GLIS2: variants seen among roughly 807,000 people sequenced by gnomAD.
The protein encoded by GLIS2 is GLIS family zinc finger 2.
Under a neutral mutation model 35.6 loss-of-function variants are expected in GLIS2, and 14 were observed. The observed-to-expected ratio is 0.39, with a 90% CI of 0.26 to 0.61. GLIS2 has a LOEUF of 0.61. GLIS2 is among the 20% of genes least tolerant of loss of function. The pLI is 0.48. For synonymous variants in GLIS2, 368 were observed against 325.1 expected (o/e 1.13, Z -1.42); for missense variants, 675 against 713.4 (o/e 0.95, Z 0.61).
Position 4,328,495 on chromosome 16 carries a change from C to A in GLIS2, c.-66-3720C>A, listed in dbSNP as rs112254924. Among the ~76,000 whole-genome samples, 1,108 of 152,320 alleles carry A rather than the reference C, an allele frequency of 7.3e-3. 21 individuals are homozygous for A. Among genetic ancestry groups the A allele is most frequent in the African/African-American group, 0.025 (1,047 of 41,560 alleles). ...CCGTCTCCCCTCTGGGGTGGGGCCT[C>A]CATTGGAGGAAAAACTCTGGGTGGG... On this transcript the variant is annotated intron_variant, in intron 1 of 6. Coordinates refer to ENST00000433375, the MANE Select transcript of GLIS2 (RefSeq NM_032575.3).
chr16:4,316,308 G>C (rs867605511), intron 1 of GLIS2, among the ~76,000 whole-genome samples, 54 bp downstream of exon 1: 2 of 144,416 alleles, frequency 1.4e-5, no homozygotes, highest in South Asian at 2.2e-4. Context: ...GCGGGGGGGG[G>C]GGGGCCCGCC....
rs994484021 is a variant in GLIS2, at chr16:4,327,054, G to A, written c.-66-5161G>A. On this transcript the variant is annotated intron_variant, in intron 1 of 6. Coordinates refer to ENST00000433375, the MANE Select transcript of GLIS2 (RefSeq NM_032575.3). ...ATTACAGGCATGAGCCACCGTGCCC[G>A]GCCACCGGCTGATTTTTTTACTTCA... Among the ~76,000 whole-genome samples the A allele has an allele frequency of 4.6e-5, 7 of 152,080 alleles. No homozygotes were observed. In the South Asian group the frequency reaches 6.2e-4, roughly 13 times the overall value.
At chr16:4,315,390 G>A (rs910597713), upstream of GLIS2, 6 of 152,296 alleles carry the variant, frequency 3.9e-5, no homozygotes, top group Admixed American at 1.3e-4. Flanking sequence ...GGAGAAATCA[G>A]GGCCCGCAGA....
chr16:4,332,551 T>C lies in GLIS2; in HGVS notation c.172+99T>C. ...TCCACCAGCATGTAGCTGCAGCCCC[T>C]CTCGGCTTCCGGTTCATGGGAAGCC... On this transcript the variant is annotated intron_variant, in intron 2 of 6. Coordinates refer to ENST00000433375, the MANE Select transcript of GLIS2 (RefSeq NM_032575.3). This position sits in a 1 kb window ranked among gnomAD's most constrained non-coding sequence, Gnocchi z 5.4. 7.1e-7 allele frequency: 1 copy of C among 1,400,052 alleles called. No homozygotes were observed. 86.7% of individuals were successfully genotyped at this position (1,400,052 alleles called of 1,614,324 possible). A position where few individuals can be genotyped will look rare whatever the true frequency, so the allele number is the denominator to read the frequency against.
chr16:4,318,246 C>G (rs558540977), intron 1 of GLIS2, among the ~76,000 whole-genome samples: 5 of 152,302 alleles, frequency 3.3e-5, no homozygotes, highest in African/African-American at 1.2e-4. Context: ...GGCTCCACCA[C>G]CAACTTCCAG....
At position 4,337,997 on chromosome 16, in the gene GLIS2, C is replaced by A; in HGVS notation, c.*473C>A. On this transcript the variant is annotated 3_prime_UTR_variant, in exon 7 of 7. Coordinates refer to ENST00000433375, the MANE Select transcript of GLIS2 (RefSeq NM_032575.3). ...GCCTGCCCTTCCCTCCTAGGCTTAC[C>A]CAGCCCCTGCCCTGGGGGCTCCTTG... 4.2e-6 allele frequency: 1 copy of A among 237,628 alleles called. No homozygotes were observed. Among genetic ancestry groups the A allele is most frequent in the Non-Finnish European group, 8.4e-6 (1 of 119,400 alleles). The allele number at this position is 237,628 out of a possible 1,614,324, so 14.7% of individuals were successfully genotyped here.
chr16:4,336,317 T>C (rs559313425), intron 6 of GLIS2: 7 of 342,840 alleles, frequency 2.0e-5, no homozygotes, highest in African/African-American at 1.1e-4. Context: ...CAGCTAGTTT[T>C]CGTAGTTTTA....
At chr16:4,323,634 C>T (rs1362955920) in intron 1 of GLIS2, among the ~76,000 whole-genome samples, 2 of 152,112 alleles carry the variant, frequency 1.3e-5, no homozygotes, top group Non-Finnish European at 2.9e-5. Flanking sequence ...GAAGGAAGTG[C>T]CTCTGGTGGG....
chr16:4,331,486 A>T (rs1485645228), intron 1 of GLIS2: 1 of 152,588 alleles, frequency 6.6e-6, no homozygotes, highest in Non-Finnish European at 1.5e-5. Context: ...TCAGCTCTGA[A>T]GGCTGTGAGA....
chr16:4,316,416 G>A (rs999833071), intron 1 of GLIS2, among the ~76,000 whole-genome samples, 162 bp downstream of exon 1: 3 of 149,846 alleles, frequency 2.0e-5, no homozygotes, highest in Non-Finnish European at 4.4e-5. Context: ...GCGTTCGCTC[G>A]CTCGCTGGCT....
intron 1 of GLIS2, among the ~76,000 whole-genome samples, chr16:4,329,682 C>A (rs886180134): frequency 1.3e-5 from 2 of 152,210 alleles, no homozygotes; most frequent in Non-Finnish European, 2.9e-5. Context: ...GCTATGCTAG[C>A]CCCCAGGGAA....
intron 1 of GLIS2, among the ~76,000 whole-genome samples, chr16:4,322,910 G>T (rs957112142): frequency 6.6e-6 from 1 of 152,224 alleles, no homozygotes; most frequent in African/African-American, 2.4e-5. Context: ...CTGCAGCCAG[G>T]CGTGGCTTGG....
intron 1 of GLIS2, among the ~76,000 whole-genome samples, chr16:4,321,760 T>A (rs2053382210): frequency 6.6e-6 from 1 of 152,130 alleles, no homozygotes; most frequent in Non-Finnish European, 1.5e-5. Context: ...GTCCCAGACA[T>A]GTCCCGGCCC....
At chr16:4,315,404 G>T (rs541620368), upstream of GLIS2, 74 of 152,432 alleles carry the variant, frequency 4.9e-4, no homozygotes, top group South Asian at 0.015. Context: ...CCGCAGAGAG[G>T]CATTCCTGCC....
rs776232030 is a variant in GLIS2, at chr16:4,337,948, G to A, written c.*424G>A. 13 of 329,296 alleles carry A rather than the reference G, an allele frequency of 3.9e-5. No homozygotes were observed. Among genetic ancestry groups the A allele is most frequent in the Non-Finnish European group, 7.6e-5 (13 of 171,722 alleles). The allele number at this position is 329,296 out of a possible 1,614,324, so 20.4% of individuals were successfully genotyped here. A position where few individuals can be genotyped will look rare whatever the true frequency, so the allele number is the denominator to read the frequency against. ...TGCTAGCACCAGGCTCCCCCTTCCT[G>A]AGAGGAGCCCCCAGGGACCAGAGGC... On this transcript the variant is annotated 3_prime_UTR_variant, in exon 7 of 7. Coordinates refer to ENST00000433375, the MANE Select transcript of GLIS2 (RefSeq NM_032575.3).
At chr16:4,315,811 C>G (rs1320843078), upstream of GLIS2, among the ~76,000 whole-genome samples, 1 of 151,028 alleles carries the variant, frequency 6.6e-6, no homozygotes, top group South Asian at 2.1e-4. Flanking sequence ...GCGCCGGCTC[C>G]CGCCGCCCCC....
intron 1 of GLIS2, among the ~76,000 whole-genome samples, chr16:4,319,739 A>G (rs1400098157): frequency 1.3e-5 from 2 of 151,638 alleles, no homozygotes; most frequent in East Asian, 3.9e-4. Context: ...CAGGGACTGG[A>G]GAGGGATCAT....
rs758967813 is a variant in GLIS2, at chr16:4,337,078, G to A, written c.1129G>A (p.Gly377Ser). The A allele has an allele frequency of 2.7e-5, 41 of 1,538,224 alleles. No individual in the cohort carries two copies. Among genetic ancestry groups the A allele is most frequent in the East Asian group, 1.5e-4 (6 of 40,994 alleles). The change falls in exon 7 of 7, where the codon GGC (glycine) becomes AGC (serine). Residue 377 changes from glycine (G) to serine (S), a missense_variant. Transcript: ENST00000433375. ...CGGCTTACCCCTACCCCTGGCCCCC[G>A]GCCCCCTTGACCTCAGTGCCCTGGC... ...LPGLPLPLAPGPLDLSALACG... is the reference protein window; with the variant it reads ...LPGLPLPLAPSPLDLSALACG...
In GLIS2 at chr16:4,335,026, CG is replaced by C; in HGVS notation, c.523-33del. The C allele has an allele frequency of 6.2e-7, 1 of 1,613,226 alleles. No homozygotes were observed. Among genetic ancestry groups the C allele is most frequent in the South Asian group, 1.1e-5 (1 of 91,078 alleles). On this transcript the variant is annotated intron_variant, in intron 4 of 6. Transcript: ENST00000433375. The surrounding 1 kb of genome is among the most constrained non-coding windows in gnomAD (Gnocchi z 4.6). ...GTGTGGAGTCTGGGGCAGGTCACCC[CG>C]CATGGGCTCAGAACACTTCCCATCC...
Sources: gnomAD v4.1 joint callset for allele counts (sites outside exome capture counted in the v4.1 genomes callset) on GRCh38, gnomAD v4.1.1 for gene constraint, Gnocchi (gnomAD v3.1) non-coding constraint, MANE v1.5 for transcripts, NCBI Gene and HGNC (gene_info 2026-07-23, HGNC 2026-07-21) for gene names.